ERICH3: variants seen among roughly 807,000 people sequenced by gnomAD.
ERICH3 encodes glutamate rich 3, also known as glutamate-rich protein 3.
ERICH3 carries 126 observed loss-of-function variants against 131.1 expected under a neutral mutation model. The observed-to-expected ratio is 0.96, with a 90% CI of 0.83 to 1.11. The LOEUF is 1.11. ERICH3 is among the 50% of genes most tolerant of loss of function. The pLI, the probability that ERICH3 is intolerant of heterozygous loss-of-function variation, is 0.00. For missense variants in ERICH3, 2,050 were observed against 1,810.7 expected (o/e 1.13, Z -2.40); for synonymous variants, 695 against 644.6 (o/e 1.08, Z -1.18).
At chr1:74,634,796 C>A (rs1646373760) in intron 6 of ERICH3, 3 of 622,980 alleles carry the variant, frequency 4.8e-6, no homozygotes, top group African/African-American at 1.9e-5. Flanking sequence ...TAGCCAAAGA[C>A]CTTTGAGTTT....
chr1:74,665,640 T>C (rs1570922031), intron 1 of ERICH3, among the ~76,000 whole-genome samples: 1 of 152,056 alleles, frequency 6.6e-6, no homozygotes, highest in Non-Finnish European at 1.5e-5. Flanking sequence ...GAGAGAAGAG[T>C]CTGTTTCAGG....
chr1:74,612,649 AC>A lies in ERICH3; in HGVS notation c.1160del (p.Cys387LeufsTer38). ...TGTAGCAAGGAGATGATCTCTCAAC[AC>A]ACACAAACCCAAAGTAGCCTCGTTT... is the stretch of plus-strand genomic sequence containing the variant. The part of the protein sequence containing the change: ...GGKRGYFGFV[C>X]VERSSPCYKC... On this transcript the variant is annotated frameshift_variant, in exon 9 of 15. Coordinates refer to ENST00000326665, the MANE Select transcript of ERICH3 (RefSeq NM_001002912.5). LOFTEE classifies it high-confidence loss of function. 2.5e-6 allele frequency: 4 copies of A among 1,584,256 alleles called. No homozygotes were observed. In the African/African-American group the frequency reaches 4.0e-5, roughly 16 times the overall value.
chr1:74,572,970 C>T lies in ERICH3; in HGVS notation c.2740G>A (p.Glu914Lys), dbSNP rs773223332. ...AGGGCTGCTACTTCATGAAGATGCTCCAAGTTCAGGGCTGCTGCTTCATTT... is the reference window on the plus strand; with the variant it reads ...AGGGCTGCTACTTCATGAAGATGCTTCAAGTTCAGGGCTGCTGCTTCATTT... ...LANEAAALNL[E>K]HLHEVAALRE... Residue 914 changes from glutamate (E) to lysine (K), a missense_variant, in exon 14 of 15, where the codon GAG becomes AAG. Glu to Lys is a moderately conservative substitution (Grantham distance 56). Coordinates refer to ENST00000326665, the MANE Select transcript of ERICH3 (RefSeq NM_001002912.5). 2.5e-6 allele frequency: 4 copies of T among 1,614,044 alleles called. No homozygotes were observed. In the South Asian group the frequency reaches 3.3e-5, roughly 13 times the overall value.
At chr1:74,610,527 C>G (rs551621746) in intron 9 of ERICH3, among the ~76,000 whole-genome samples, 16 of 150,732 alleles carry the variant, frequency 1.1e-4, no homozygotes, top group African/African-American at 3.7e-4. Context: ...AAATTTCCAC[C>G]CTTTATGTCA....
chr1:74,575,609 T>C lies in ERICH3; in HGVS notation c.2218+1286A>G, dbSNP rs80061669. On this transcript the variant is annotated intron_variant, in intron 13 of 14. Coordinates refer to ENST00000326665, the MANE Select transcript of ERICH3 (RefSeq NM_001002912.5). ...CAAGTCTCTTTAATAGTGTATCTGTTGCTATTCAAATTCCTGCATGAAAGT... is the reference window on the plus strand; with the variant it reads ...CAAGTCTCTTTAATAGTGTATCTGTCGCTATTCAAATTCCTGCATGAAAGT... Among the ~76,000 whole-genome samples the C allele has an allele frequency of 4.5e-3, 684 of 152,334 alleles. 1 individual carries two copies. Among genetic ancestry groups the C allele is most frequent in the African/African-American group, 0.015 (644 of 41,576 alleles).
At chr1:74,591,216 G>C (rs1045142269) in intron 11 of ERICH3, among the ~76,000 whole-genome samples, 5 of 152,164 alleles carry the variant, frequency 3.3e-5, no homozygotes, top group African/African-American at 1.2e-4. Context: ...ATTCATGTGT[G>C]AGAAAAGTAT....
At chr1:74,651,769 C>T (rs964371713) in intron 1 of ERICH3, among the ~76,000 whole-genome samples, 1 of 152,028 alleles carries the variant, frequency 6.6e-6, no homozygotes, top group Non-Finnish European at 1.5e-5. Flanking sequence ...AAGTGGGGGT[C>T]AAAAAGTTGG....
In ERICH3 at chr1:74,589,740, C is replaced by T. The variant is rs1433150465; in HGVS notation, c.2067G>A (p.Gly689=). 3 of 1,614,062 alleles carry T rather than the reference C, an allele frequency of 1.9e-6. No homozygotes were observed. The highest frequency in any genetic ancestry group is 1.1e-5 in the South Asian group (1 of 91,078). The change falls in exon 12 of 15, where the codon GGG becomes GGA. Residue 689 remains glycine, a synonymous_variant. Transcript: ENST00000326665. ...CCTTTTCTTCTGCAGAAACATGTTT[C>T]CCGGACTTCTCAGATAAACCCTCTG... ...EIAEGLSEKS[G]KHVSAEEKEK... is the part of the protein sequence containing the mutation.
intron 1 of ERICH3, among the ~76,000 whole-genome samples, chr1:74,655,681 C>G (rs1183086741): frequency 6.6e-6 from 1 of 152,110 alleles, no homozygotes; most frequent in Admixed American, 6.6e-5. Flanking sequence ...TGTAAAGTAA[C>G]AGATCCACAT....
At chr1:74,599,355 C>T (rs1354002207) in intron 11 of ERICH3, among the ~76,000 whole-genome samples, 1 of 151,788 alleles carries the variant, frequency 6.6e-6, no homozygotes, top group East Asian at 1.9e-4. Context: ...CTCATACTGT[C>T]ATGAGTGGGA....
chr1:74,669,898 A>G (rs1646725867), intron 1 of ERICH3, among the ~76,000 whole-genome samples: 1 of 152,190 alleles, frequency 6.6e-6, no homozygotes, highest in Non-Finnish European at 1.5e-5. Context: ...TTAGTGTATA[A>G]CTGCACTTTG....
At chr1:74,614,632 A>G (rs369515053) in intron 8 of ERICH3, among the ~76,000 whole-genome samples, 3 of 150,920 alleles carry the variant, frequency 2.0e-5, no homozygotes, top group Non-Finnish European at 2.9e-5. Context: ...AGCCGAGATC[A>G]CGCCACTGAA....
rs1258425189 is a variant in ERICH3, at chr1:74,571,561, C to T, written c.4149G>A (p.Glu1383=). 2 of 1,614,186 alleles carry T rather than the reference C, an allele frequency of 1.2e-6. No individual in the cohort carries two copies. Among genetic ancestry groups the T allele is most frequent in the South Asian group, 2.2e-5 (2 of 91,088 alleles). The part of the protein sequence containing the change: ...NKASSFSDVA[E]EETWHQQDEL... Reference sequence around the variant, plus strand: ...CATCCTGTTGGTGCCAGGTTTCTTCCTCAGCAACATCTGAAAAGGAGGAGG... The same window carrying T: ...CATCCTGTTGGTGCCAGGTTTCTTCTTCAGCAACATCTGAAAAGGAGGAGG... The change falls in exon 14 of 15, where the codon GAG becomes GAA. Residue 1383 remains glutamate (E), a synonymous_variant. Coordinates refer to ENST00000326665, the MANE Select transcript of ERICH3 (RefSeq NM_001002912.5).
intron 9 of ERICH3, among the ~76,000 whole-genome samples, chr1:74,609,077 T>C (rs1045819570): frequency 1.3e-5 from 2 of 152,066 alleles, no homozygotes; most frequent in African/African-American, 4.8e-5. Context: ...GAGGTGTTGA[T>C]TATGATTACT....
chr1:74,617,261 A>C (rs910162934), intron 8 of ERICH3, among the ~76,000 whole-genome samples: 4 of 152,138 alleles, frequency 2.6e-5, no homozygotes, highest in Non-Finnish European at 5.9e-5. Flanking sequence ...GGAACTTTAA[A>C]ATAGCACCTA....
intron 1 of ERICH3, among the ~76,000 whole-genome samples, chr1:74,669,273 C>G (rs1216505889): frequency 6.6e-6 from 1 of 151,094 alleles, no homozygotes; most frequent in Non-Finnish European, 1.5e-5. Context: ...TGCTTCTAAA[C>G]CTTTGAACAG....
intron 4 of ERICH3, 111 bp downstream of exon 4, chr1:74,642,916 T>C: frequency 2.6e-6 from 2 of 760,876 alleles, no homozygotes; most frequent in South Asian, 1.7e-5. Context: ...ACTTCAACTA[T>C]GTTTTAACCA....
chr1:74,646,137 GT>G (rs1180806715), intron 3 of ERICH3, among the ~76,000 whole-genome samples: 2 of 152,046 alleles, frequency 1.3e-5, no homozygotes, highest in African/African-American at 4.8e-5. Context: ...GTTGACCAGA[GT>G]GGCCTACGGT....
intron 6 of ERICH3, chr1:74,634,913 C>T: frequency 2.5e-6 from 1 of 405,476 alleles, no homozygotes; most frequent in Non-Finnish European, 4.3e-6. Context: ...ATTCTGATTC[C>T]ATGCTCACTA....
Sources: allele counts gnomAD v4.1 joint callset (sites outside exome capture counted in the v4.1 genomes callset), GRCh38; gene constraint gnomAD v4.1.1; transcripts MANE v1.5; gene names NCBI Gene and HGNC (gene_info 2026-07-23, HGNC 2026-07-21).